The following LRRTM4 variants were observed in gnomAD, a reference collection of about 807,000 sequenced individuals.
LRRTM4 encodes leucine-rich repeat transmembrane neuronal protein 4.
LRRTM4 carries 25 observed loss-of-function variants against 47.6 expected under a neutral mutation model. The observed-to-expected ratio is 0.53, with a 90% CI of 0.38 to 0.73. LRRTM4 has a LOEUF of 0.73. Among genes scored for constraint, LRRTM4 ranks in the 30% least tolerant of loss-of-function variants. LRRTM4 has a pLI of 0.00. For synonymous variants in LRRTM4, 311 were observed against 269.5 expected (o/e 1.15, Z -1.51); for missense variants, 638 against 713.4 (o/e 0.89, Z 1.20).
At chr2:77,224,619 C>G (rs1211066622) in intron 3 of LRRTM4, among the ~76,000 whole-genome samples, 7 of 152,304 alleles carry the variant, frequency 4.6e-5, no homozygotes, top group African/African-American at 1.7e-4. Flanking sequence ...AAATGCTCAT[C>G]ATCACTGGCG....
At chr2:76,934,726 G>A (rs949680941) in intron 3 of LRRTM4, among the ~76,000 whole-genome samples, 1 of 152,106 alleles carries the variant, frequency 6.6e-6, no homozygotes, top group East Asian at 1.9e-4. Context: ...ACTCCCATTG[G>A]AAAACATAGA....
At chr2:77,053,234 A>T (rs561556260) in intron 3 of LRRTM4, among the ~76,000 whole-genome samples, 1 of 152,332 alleles carries the variant, frequency 6.6e-6, no homozygotes, top group East Asian at 1.9e-4. Flanking sequence ...ACTTTCTCCT[A>T]TATCTCCATG....
intron 3 of LRRTM4, among the ~76,000 whole-genome samples, chr2:77,372,393 T>A (rs1672683912): frequency 6.6e-6 from 1 of 151,774 alleles, no homozygotes; most frequent in African/African-American, 2.4e-5. Context: ...TCTCTATCTG[T>A]TATACATTTT....
chr2:77,288,133 A>G (rs1434083444), intron 3 of LRRTM4, among the ~76,000 whole-genome samples: 5 of 152,102 alleles, frequency 3.3e-5, no homozygotes, highest in African/African-American at 1.2e-4. Flanking sequence ...GAAAACACAG[A>G]AAACTGACTT....
intron 3 of LRRTM4, among the ~76,000 whole-genome samples, chr2:77,156,335 A>C (rs980926956): frequency 2.6e-5 from 4 of 151,430 alleles, no homozygotes; most frequent in East Asian, 1.9e-4. Flanking sequence ...ACAAAAAAAA[A>C]CAGAAAAAAG....
intron 3 of LRRTM4, among the ~76,000 whole-genome samples, chr2:76,898,288 C>G (rs777885286): frequency 4.6e-5 from 7 of 152,042 alleles, no homozygotes; most frequent in Non-Finnish European, 7.4e-5. Flanking sequence ...TGGAATTTTG[C>G]TATCCAATTT....
rs185665405 is a variant in LRRTM4, at chr2:77,167,135, G to A, written c.1551+351183C>T. Among the ~76,000 whole-genome samples, 318 of 152,214 alleles carry A rather than the reference G, an allele frequency of 2.1e-3. 3 individuals are homozygous for A. Among genetic ancestry groups the A allele is most frequent in the African/African-American group, 7.3e-3 (304 of 41,520 alleles). ...GAAAAAAACAACCCCATCAACAAGT[G>A]GGCAAAGGATATGAAGAGACACTTC... On this transcript the variant is annotated intron_variant, in intron 3 of 3. Transcript: ENST00000409884.
chr2:77,050,485 T>G (rs1679394062), intron 3 of LRRTM4, among the ~76,000 whole-genome samples: 1 of 152,146 alleles, frequency 6.6e-6, no homozygotes, highest in Non-Finnish European at 1.5e-5. Flanking sequence ...GGAATCTAAC[T>G]TTAAAGATCC....
At chr2:77,427,632 G>A (rs1006808199) in intron 3 of LRRTM4, among the ~76,000 whole-genome samples, 7 of 152,118 alleles carry the variant, frequency 4.6e-5, no homozygotes, top group Non-Finnish European at 8.8e-5. Context: ...TAGTTGAGTT[G>A]TTGATTTAAC....
At chr2:77,210,762 T>C (rs1204111963) in intron 3 of LRRTM4, among the ~76,000 whole-genome samples, 2 of 152,198 alleles carry the variant, frequency 1.3e-5, no homozygotes, top group African/African-American at 4.8e-5. Context: ...AAGTTCCACC[T>C]GAGGCCATTC....
intron 3 of LRRTM4, among the ~76,000 whole-genome samples, chr2:76,879,034 G>A (rs933918917): frequency 3.3e-5 from 5 of 152,266 alleles, no homozygotes; most frequent in South Asian, 2.1e-4. Context: ...AATAAAGTTC[G>A]AAGCTAGCAG....
chr2:77,106,146 C>G (rs548677154), intron 3 of LRRTM4, among the ~76,000 whole-genome samples: 1 of 152,164 alleles, frequency 6.6e-6, no homozygotes, highest in East Asian at 1.9e-4. Flanking sequence ...AGAGGCCTTC[C>G]CTGACCTCTT....
chr2:77,474,922 A>G (rs1021893759), intron 3 of LRRTM4, among the ~76,000 whole-genome samples: 3 of 152,124 alleles, frequency 2.0e-5, no homozygotes, highest in Non-Finnish European at 4.4e-5. Context: ...ACTGCCAGGC[A>G]GCATCACAGC....
chr2:76,785,210 G>T (rs766644721), intron 3 of LRRTM4, among the ~76,000 whole-genome samples: 1 of 152,032 alleles, frequency 6.6e-6, no homozygotes, highest in Non-Finnish European at 1.5e-5. Flanking sequence ...TAAAATTTAG[G>T]AATGAAGACT....
chr2:76,883,184 C>T (rs1056977852), intron 3 of LRRTM4, among the ~76,000 whole-genome samples: 1 of 152,168 alleles, frequency 6.6e-6, no homozygotes, highest in African/African-American at 2.4e-5. Context: ...AGCATCACCT[C>T]TCCTGTGGAG....
chr2:77,124,999 G>A (rs1232607494), intron 3 of LRRTM4, among the ~76,000 whole-genome samples: 3 of 152,160 alleles, frequency 2.0e-5, no homozygotes, highest in Admixed American at 1.3e-4. Flanking sequence ...AAGTGTGTCA[G>A]TTGCTTCTTT....
At chr2:77,217,468 T>TATATATATATATACAC (rs1338917871) in intron 3 of LRRTM4, among the ~76,000 whole-genome samples, 9 of 134,248 alleles carry the variant, frequency 6.7e-5, no homozygotes, top group African/African-American at 2.6e-4. Flanking sequence ...TATATATATA[T>TATATATATATATACAC]ACTAAGCCTT....
chr2:77,245,388 A>C (rs1375528497), intron 3 of LRRTM4, among the ~76,000 whole-genome samples: 19 of 151,910 alleles, frequency 1.3e-4, no homozygotes, highest in Non-Finnish European at 1.0e-4. Flanking sequence ...CTCTACAAAA[A>C]ATAAAAAACA....
intron 3 of LRRTM4, among the ~76,000 whole-genome samples, chr2:77,094,683 A>C (rs1670759361): frequency 6.6e-6 from 1 of 152,192 alleles, no homozygotes; most frequent in African/African-American, 2.4e-5. Context: ...CATTGGGTCA[A>C]GGTTAGTCTC....
Sources: allele counts gnomAD v4.1 joint callset (sites outside exome capture counted in the v4.1 genomes callset), GRCh38; gene constraint gnomAD v4.1.1; transcripts MANE v1.5; gene names NCBI Gene and HGNC (gene_info 2026-07-23, HGNC 2026-07-21).